PLOD2: variants seen among roughly 807,000 people sequenced by gnomAD.
PLOD2 encodes procollagen-lysine,2-oxoglutarate 5-dioxygenase 2, also known as lysine hydroxylase 2.
Under a neutral mutation model 101.0 loss-of-function variants are expected in PLOD2, and 65 were observed. The observed-to-expected ratio is 0.64, with a 90% CI of 0.53 to 0.79. PLOD2 has a LOEUF of 0.79. PLOD2 is among the 30% of genes least tolerant of loss of function. The pLI is 0.00. For missense variants in PLOD2, 909 were observed against 914.6 expected (o/e 0.99, Z 0.08); for synonymous variants, 314 against 302.9 (o/e 1.04, Z -0.38).
At chr3:146,094,301 A>C (rs1414613870) in intron 7 of PLOD2, among the ~76,000 whole-genome samples, 2 of 152,260 alleles carry the variant, frequency 1.3e-5, no homozygotes, top group Non-Finnish European at 2.9e-5. Flanking sequence ...TTTATGCACA[A>C]AATTCACATC....
chr3:146,072,803 TA>T, intron 16 of PLOD2, 138 bp from the exon 17 acceptor site: 1 of 655,624 alleles, frequency 1.5e-6, no homozygotes, highest in South Asian at 1.8e-5. Context: ...TTATTGACAG[TA>T]TTTTTTTTCT....
At chr3:146,115,015 A>G (rs1937839021) in intron 3 of PLOD2, among the ~76,000 whole-genome samples, 2 of 152,112 alleles carry the variant, frequency 1.3e-5, no homozygotes, top group Admixed American at 1.3e-4. Context: ...AGAAAACAAA[A>G]CAAAACAAAA....
chr3:146,107,713 T>C (rs543519262), intron 4 of PLOD2, among the ~76,000 whole-genome samples: 1 of 132,236 alleles, frequency 7.6e-6, no homozygotes, highest in Non-Finnish European at 1.5e-5. Flanking sequence ...CTTGGCTCAC[T>C]GCAACCTATG....
chr3:146,104,622 G>A (rs1040548409), intron 5 of PLOD2, among the ~76,000 whole-genome samples: 2 of 152,204 alleles, frequency 1.3e-5, no homozygotes, highest in South Asian at 2.1e-4. Flanking sequence ...AATATATACA[G>A]TAAATTTATT....
chr3:146,078,014 T>C, intron 13 of PLOD2, 90 bp from the exon 14 acceptor site: 1 of 799,654 alleles, frequency 1.3e-6, no homozygotes, highest in Admixed American at 1.7e-5. Flanking sequence ...CAGCTGTTGA[T>C]CAAAAGCTAA....
chr3:146,080,579 A>G (rs994354831), intron 12 of PLOD2, among the ~76,000 whole-genome samples: 10 of 152,028 alleles, frequency 6.6e-5, no homozygotes, highest in African/African-American at 2.2e-4. Flanking sequence ...AGTGTATTCC[A>G]GATCAAAAGC....
intron 1 of PLOD2, among the ~76,000 whole-genome samples, chr3:146,149,108 A>G (rs990409423): frequency 6.6e-6 from 1 of 152,230 alleles, no homozygotes; most frequent in Admixed American, 6.5e-5. Flanking sequence ...ATTTTTCTGA[A>G]TTAATTGTGA....
chr3:146,095,345 T>A (rs541844157), intron 7 of PLOD2, among the ~76,000 whole-genome samples: 1 of 96,696 alleles, frequency 1.0e-5, no homozygotes, highest in East Asian at 3.2e-4. Flanking sequence ...TACAAGGAAC[T>A]TAAACAAATT....
At chr3:146,112,359 A>G (rs1937676903) in intron 3 of PLOD2, among the ~76,000 whole-genome samples, 1 of 152,184 alleles carries the variant, frequency 6.6e-6, no homozygotes, top group South Asian at 2.1e-4. Context: ...GACATGGATG[A>G]AGGTGGAATC....
At chr3:146,085,392 C>A in intron 10 of PLOD2, 119 bp from the exon 11 acceptor site, 1 of 681,826 alleles carries the variant, frequency 1.5e-6, no homozygotes, top group South Asian at 1.7e-5. Flanking sequence ...CTTTTCTGAT[C>A]AAAATAGTGG....
chr3:146,076,046 G>T (rs1936322714), intron 15 of PLOD2: 1 of 151,536 alleles, frequency 6.6e-6, no homozygotes, highest in Non-Finnish European at 1.5e-5. Flanking sequence ...CATCACCAAG[G>T]TAGTGAGCAC....
intron 3 of PLOD2, among the ~76,000 whole-genome samples, chr3:146,112,803 A>G (rs1329586247): frequency 6.7e-6 from 1 of 149,892 alleles, no homozygotes; most frequent in Non-Finnish European, 1.5e-5. Context: ...GTGAGCTGAG[A>G]TCATGCCACT....
At position 146,073,320 on chromosome 3, in the gene PLOD2, A is replaced by G; in HGVS notation, c.1710T>C (p.Tyr570=). ...CTATATTTTCAGTGAAAATCTTTGAATAATCACGGTTTATATACTTTTCCT... is the reference window on the plus strand; with the variant it reads ...CTATATTTTCAGTGAAAATCTTTGAGTAATCACGGTTTATATACTTTTCCT... ...DWKEKYINRD[Y]SKIFTENIVE... is the part of the protein sequence containing the mutation. The change falls in exon 16 of 20, where the codon TAT becomes TAC. Residue 570 remains tyrosine (Y), a synonymous_variant. Transcript: ENST00000282903. The G allele has an allele frequency of 8.1e-7, 1 of 1,238,548 alleles. No individual in the cohort carries two copies. Among genetic ancestry groups the G allele is most frequent in the South Asian group, 1.3e-5 (1 of 77,010 alleles). 76.7% of individuals were successfully genotyped at this position (1,238,548 alleles called of 1,614,324 possible).
chr3:146,160,135 G>A (rs1285286059), intron 1 of PLOD2, among the ~76,000 whole-genome samples: 1 of 152,198 alleles, frequency 6.6e-6, no homozygotes, highest in Non-Finnish European at 1.5e-5. Context: ...AAACTCCAAG[G>A]ATTTTTCATG....
intron 1 of PLOD2, among the ~76,000 whole-genome samples, chr3:146,149,105 T>A (rs2031933206): frequency 6.6e-6 from 1 of 152,248 alleles, no homozygotes; most frequent in Admixed American, 6.5e-5. Context: ...CAGATTTTTC[T>A]GAATTAATTG....
At chr3:146,133,647 C>T (rs1021808369) in intron 1 of PLOD2, among the ~76,000 whole-genome samples, 1 of 152,154 alleles carries the variant, frequency 6.6e-6, no homozygotes, top group Non-Finnish European at 1.5e-5. Context: ...GGCTGGATTG[C>T]AGCCAAGGAC....
intron 1 of PLOD2, among the ~76,000 whole-genome samples, chr3:146,149,419 T>C (rs2031952112): frequency 6.6e-6 from 1 of 152,140 alleles, no homozygotes; most frequent in Non-Finnish European, 1.5e-5. Context: ...AAAAGTAGAC[T>C]TCTTAGTTTA....
At chr3:146,138,255 C>A (rs889799307) in intron 1 of PLOD2, among the ~76,000 whole-genome samples, 4 of 151,714 alleles carry the variant, frequency 2.6e-5, no homozygotes, top group Non-Finnish European at 4.4e-5. Context: ...TGCCACTGTT[C>A]TAGAGACTCA....
In PLOD2 at chr3:146,083,588, T is replaced by C. The variant is rs1213629090; in HGVS notation, c.1232+1581A>G. ...AGGTAAGTCTTTTTCTTTTTTTTTT[T>C]TTTTTTTTTTTGAGACGGAGTCTCG... is the stretch of plus-strand genomic sequence containing the variant. On this transcript the variant is annotated intron_variant, in intron 11 of 19. Coordinates refer to ENST00000282903, the MANE Select transcript of PLOD2 (RefSeq NM_182943.3). Among the ~76,000 whole-genome samples, 9 of 147,928 alleles carry C rather than the reference T, an allele frequency of 6.1e-5. 1 individual carries two copies. Among genetic ancestry groups the C allele is most frequent in the African/African-American group, 1.5e-4 (6 of 40,424 alleles).
Sources: gnomAD v4.1 joint callset for allele counts (sites outside exome capture counted in the v4.1 genomes callset) on GRCh38, gnomAD v4.1.1 for gene constraint, MANE v1.5 for transcripts, NCBI Gene and HGNC (gene_info 2026-07-23, HGNC 2026-07-21) for gene names.